KDM1B: variants seen among roughly 807,000 people sequenced by gnomAD.
KDM1B encodes the protein lysine demethylase 1B.
KDM1B carries 63 observed loss-of-function variants against 107.4 expected under a neutral mutation model. The ratio of observed to expected loss-of-function variants is 0.59; its 90% CI spans 0.48 to 0.72. KDM1B has a LOEUF of 0.72. Ranked by LOEUF, KDM1B falls within the 30% of genes least tolerant of loss-of-function variation. The pLI is 0.00. For synonymous variants in KDM1B, 363 were observed against 363.9 expected, an observed-to-expected ratio of 1.00 and a Z score of 0.03; for missense variants, 749 against 1,020.8, an observed-to-expected ratio of 0.73 and a Z score of 3.63.
chr6:18,157,574 A>G (rs1013509212), intron 2 of KDM1B, among the ~76,000 whole-genome samples: 1 of 152,074 alleles, frequency 6.6e-6, no homozygotes, highest in African/African-American at 2.4e-5. Flanking sequence ...TATTTTTGCT[A>G]TAATACTTAC....
chr6:18,213,778 C>T lies in KDM1B; in HGVS notation c.2106C>T (p.Pro702=), dbSNP rs376863878. ...GLFAVFYDMD[P]QKKHSVLMSV... is the part of the protein sequence containing the mutation. ...TTGCCGTGTTCTATGACATGGATCC[C>T]CAGGTAAAATCATTCGTGAACTGTG... The change falls in exon 19 of 22, where the codon CCC becomes CCT. Residue 702 remains proline (P), a synonymous_variant. Coordinates refer to ENST00000650836, the MANE Select transcript of KDM1B (RefSeq NM_001364614.2). The surrounding 1 kb of genome is among the most constrained non-coding windows in gnomAD (Gnocchi z 5.9). 13 of 1,613,866 alleles carry T rather than the reference C, an allele frequency of 8.1e-6. No individual in the cohort carries two copies. The African/African-American group carries it at 1.6e-4, about 20-fold the overall frequency.
At chr6:18,219,792 C>T (rs2151054775) in intron 21 of KDM1B, among the ~76,000 whole-genome samples, 1 of 152,312 alleles carries the variant, frequency 6.6e-6, no homozygotes, top group Non-Finnish European at 1.5e-5. Flanking sequence ...TCCCAAACAT[C>T]ACTATCTGGG....
intron 10 of KDM1B, among the ~76,000 whole-genome samples, chr6:18,194,927 A>C (rs1032682137): frequency 6.6e-6 from 1 of 152,186 alleles, no homozygotes; most frequent in African/African-American, 2.4e-5. Flanking sequence ...CCCTATACCA[A>C]TTAAACAGTC....
intron 2 of KDM1B, among the ~76,000 whole-genome samples, chr6:18,156,523 T>C (rs775896027): frequency 3.3e-5 from 5 of 152,142 alleles, no homozygotes; most frequent in Admixed American, 6.6e-5. Context: ...AGAAGGCTTC[T>C]TCAGGAGGTA....
chr6:18,163,518 A>G (rs1351173064), intron 5 of KDM1B, among the ~76,000 whole-genome samples: 1 of 152,070 alleles, frequency 6.6e-6, no homozygotes, highest in East Asian at 1.9e-4. Flanking sequence ...AGTAGCTTCA[A>G]TTATTTATTT....
intron 10 of KDM1B, among the ~76,000 whole-genome samples, chr6:18,194,436 C>T (rs1289406391): frequency 6.6e-6 from 1 of 152,154 alleles, no homozygotes; most frequent in African/African-American, 2.4e-5. Flanking sequence ...GTGTGATGTG[C>T]TCTGCCGCCA....
Position 18,159,735 on chromosome 6 carries a change from G to T in KDM1B, c.-13-148G>T. On this transcript the variant is annotated intron_variant, in intron 2 of 21. Coordinates refer to ENST00000650836, the MANE Select transcript of KDM1B (RefSeq NM_001364614.2). The surrounding 1 kb of genome is among the most constrained non-coding windows in gnomAD (Gnocchi z 4.5). ...CTAGCCTGGGCAACATGGCAAGAAT[G>T]TCTCAAAAGAAAAGAAAGAAAACTG... is the stretch of plus-strand genomic sequence containing the variant. 1.7e-6 allele frequency: 1 copy of T among 593,618 alleles called. No homozygotes were observed. The highest frequency in any genetic ancestry group is 2.9e-6 in the Non-Finnish European group (1 of 343,308). The allele number at this position is 593,618 out of a possible 1,614,324, so 36.8% of individuals were successfully genotyped here. A position where few individuals can be genotyped will look rare whatever the true frequency, so the allele number is the denominator to read the frequency against.
chr6:18,215,167 G>A (rs372495059), intron 20 of KDM1B, 38 bp downstream of exon 20: 41 of 1,595,946 alleles, frequency 2.6e-5, no homozygotes, highest in Admixed American at 1.0e-4. Context: ...GGGGCAAGCC[G>A]TGCTTGCTAT....
chr6:18,218,595 A>G (rs1789426251), intron 21 of KDM1B, among the ~76,000 whole-genome samples: 1 of 152,174 alleles, frequency 6.6e-6, no homozygotes, highest in Non-Finnish European at 1.5e-5. Context: ...TTTACTGCTG[A>G]GCCAAGAAGG....
intron 7 of KDM1B, among the ~76,000 whole-genome samples, chr6:18,177,623 G>A (rs1189794222): frequency 6.6e-6 from 1 of 151,620 alleles, no homozygotes; most frequent in Non-Finnish European, 1.5e-5. Context: ...TGCCCAGGCT[G>A]GTCTTGAACT....
At chr6:18,180,490 T>G (rs2150877320) in intron 7 of KDM1B, among the ~76,000 whole-genome samples, 2 of 152,302 alleles carry the variant, frequency 1.3e-5, no homozygotes, top group East Asian at 3.9e-4. Flanking sequence ...TCTAAAAGTT[T>G]TTTCAGACAA....
chr6:18,183,255 T>TG lies in KDM1B; in HGVS notation c.535-2514dup, dbSNP rs1310895060. Among the ~76,000 whole-genome samples the TG allele has an allele frequency of 1.6e-3, 182 of 116,072 alleles. 2 individuals are homozygous for TG. The highest frequency in any genetic ancestry group is 5.0e-3 in the African/African-American group (161 of 32,406). The allele number at this position is 116,072 out of a possible 152,430, so 76.1% of individuals were successfully genotyped here. A position where few individuals can be genotyped will look rare whatever the true frequency, so the allele number is the denominator to read the frequency against. Reference sequence around the variant, plus strand: ...GGGGTAAACAATGTCCTGAATTTTGTGGGTTTTTTTTTTTTTTTTTTTTTT... The same window carrying TG: ...GGGGTAAACAATGTCCTGAATTTTGTGGGGTTTTTTTTTTTTTTTTTTTTTT... On this transcript the variant is annotated intron_variant, in intron 7 of 21. Transcript: ENST00000650836.
At position 18,170,563 on chromosome 6, in the gene KDM1B, T is replaced by G. The variant is rs1373399469; in HGVS notation, c.418-800T>G. On this transcript the variant is annotated intron_variant, in intron 6 of 21. Coordinates refer to ENST00000650836, the MANE Select transcript of KDM1B (RefSeq NM_001364614.2). Reference sequence around the variant, plus strand: ...GGTATAATCTCAGCTCACTGCAGCCTTGACCTCCCCAGGCTCAAGCCATCC... The same window carrying G: ...GGTATAATCTCAGCTCACTGCAGCCGTGACCTCCCCAGGCTCAAGCCATCC... Among the ~76,000 whole-genome samples the G allele has an allele frequency of 2.0e-5, 3 of 151,912 alleles. No individual in the cohort carries two copies. In the East Asian group the frequency reaches 5.8e-4, roughly 29 times the overall value.
At chr6:18,173,855 G>A (rs1434292681) in intron 7 of KDM1B, among the ~76,000 whole-genome samples, 5 of 151,858 alleles carry the variant, frequency 3.3e-5, no homozygotes, top group Non-Finnish European at 5.9e-5. Context: ...GCTCGATCTC[G>A]GCTCACTGCA....
In KDM1B at chr6:18,213,600, G is replaced by A. The variant is rs1474649344; in HGVS notation, c.1984-56G>A. On this transcript the variant is annotated intron_variant, in intron 18 of 21. Transcript: ENST00000650836. The surrounding 1 kb of genome is among the most constrained non-coding windows in gnomAD (Gnocchi z 5.9). ...AGCTACAGGTTGCTGCTTAGATATT[G>A]CCTGTGGTTTTGTGACGACAGACAC... The A allele has an allele frequency of 1.2e-6, 2 of 1,601,804 alleles. No homozygotes were observed. The highest frequency in any genetic ancestry group is 1.7e-4 in the Middle Eastern group (1 of 6,050).
chr6:18,183,527 A>G (rs1786630518), intron 7 of KDM1B, among the ~76,000 whole-genome samples: 1 of 151,832 alleles, frequency 6.6e-6, no homozygotes, highest in South Asian at 2.1e-4. Flanking sequence ...CCCAAAATGC[A>G]GGGATTACAG....
Position 18,197,604 on chromosome 6 carries a change from C to T in KDM1B, c.1164C>T (p.Ile388=), listed in dbSNP as rs758605967. The part of the protein sequence containing the change: ...KDYHNKSVII[I]GAGPAGLAAA... Reference sequence around the variant, plus strand: ...TTTTTAAGAAATCAGTCATCATTATCGGGGCTGGTCCAGCAGGATTAGCAG... The same window carrying T: ...TTTTTAAGAAATCAGTCATCATTATTGGGGCTGGTCCAGCAGGATTAGCAG... The change falls in exon 12 of 22, where the codon ATC becomes ATT. Residue 388 remains isoleucine, a synonymous_variant. Coordinates refer to ENST00000650836, the MANE Select transcript of KDM1B (RefSeq NM_001364614.2). This position sits in a 1 kb window ranked among gnomAD's most constrained non-coding sequence, Gnocchi z 4.5. The T allele has an allele frequency of 5.6e-6, 9 of 1,613,516 alleles. No homozygotes were observed. Among genetic ancestry groups the T allele is most frequent in the Middle Eastern group, 1.6e-4 (1 of 6,084 alleles).
At position 18,207,409 on chromosome 6, in the gene KDM1B, C is replaced by G; in HGVS notation, c.1671C>G (p.Arg557=). 1 of 1,614,176 alleles carries G rather than the reference C, an allele frequency of 6.2e-7. No homozygotes were observed. ...CGSNLHQVSA[R]SWDHNEFFAQ... ...CTCTTGTTTCCCAGGTATCTGCTCGCTCGTGGGACCACAATGAATTCTTTG... is the reference window on the plus strand; with the variant it reads ...CTCTTGTTTCCCAGGTATCTGCTCGGTCGTGGGACCACAATGAATTCTTTG... Residue 557 remains arginine (R), a synonymous_variant, in exon 16 of 22, where the codon CGC becomes CGG. Coordinates refer to ENST00000650836, the MANE Select transcript of KDM1B (RefSeq NM_001364614.2).
At chr6:18,181,836 C>T (rs570631494) in intron 7 of KDM1B, among the ~76,000 whole-genome samples, 121 of 152,314 alleles carry the variant, frequency 7.9e-4, no homozygotes, top group Non-Finnish European at 1.2e-3. Flanking sequence ...TATTGGTCAA[C>T]ACCCTGCTAT....
Sources: allele counts gnomAD v4.1 joint callset (sites outside exome capture counted in the v4.1 genomes callset), GRCh38; gene constraint gnomAD v4.1.1; non-coding constraint Gnocchi (gnomAD v3.1); transcripts MANE v1.5; gene names NCBI Gene and HGNC (gene_info 2026-07-23, HGNC 2026-07-21).